ESRRG: variants seen among roughly 807,000 people sequenced by gnomAD.
ESRRG encodes estrogen related receptor gamma.
ESRRG carries 13 observed loss-of-function variants against 44.0 expected under a neutral mutation model. That is an observed-to-expected ratio of 0.30 (90% CI 0.19 to 0.47). The LOEUF is 0.47. Ranked by LOEUF, ESRRG falls within the 20% of genes least tolerant of loss-of-function variation. ESRRG has a pLI of 1.00. For synonymous variants in ESRRG, 215 were observed against 214.6 expected (o/e 1.00, Z -0.02); for missense variants, 395 against 580.6 (o/e 0.68, Z 3.29).
chr1:216,629,784 T>C (rs2063803177), intron 3 of ESRRG, among the ~76,000 whole-genome samples: 1 of 152,212 alleles, frequency 6.6e-6, no homozygotes, highest in Non-Finnish European at 1.5e-5. Flanking sequence ...GATTTTGTTT[T>C]GGTGTCCTTG....
At chr1:216,745,431 T>A (rs1054273739) in intron 2 of ESRRG, among the ~76,000 whole-genome samples, 2 of 152,178 alleles carry the variant, frequency 1.3e-5, no homozygotes, top group African/African-American at 2.4e-5. Context: ...CCTCAAGCGA[T>A]CTTCCTGCCT....
chr1:216,553,477 T>C (rs2056873864), intron 5 of ESRRG, among the ~76,000 whole-genome samples: 3 of 152,196 alleles, frequency 2.0e-5, no homozygotes, highest in South Asian at 4.1e-4. Flanking sequence ...TTTCCCCTTC[T>C]GGACTTTCTA....
chr1:217,059,600 C>T (rs1027828866), intron 1 of ESRRG, among the ~76,000 whole-genome samples: 5 of 152,058 alleles, frequency 3.3e-5, no homozygotes, highest in African/African-American at 1.2e-4. Flanking sequence ...CTTGCTGTTG[C>T]CCCTGCTGGC....
intron 1 of ESRRG, among the ~76,000 whole-genome samples, chr1:216,956,015 T>G (rs1378870742): frequency 6.6e-6 from 1 of 152,168 alleles, no homozygotes; most frequent in Non-Finnish European, 1.5e-5. Context: ...TCTTTTGACT[T>G]CATAAATTGT....
intron 2 of ESRRG, among the ~76,000 whole-genome samples, chr1:216,925,242 G>C (rs2062379155): frequency 6.6e-6 from 1 of 151,976 alleles, no homozygotes; most frequent in African/African-American, 2.4e-5. Flanking sequence ...TTCAAGACCA[G>C]CCTGGCCAAC....
At chr1:216,710,094 G>A (rs892959312) in intron 1 of ESRRG, among the ~76,000 whole-genome samples, 6 of 152,146 alleles carry the variant, frequency 3.9e-5, no homozygotes, top group Admixed American at 2.6e-4. Context: ...ATTGAACACT[G>A]TTTAGTAAAC....
chr1:217,102,045 A>AT (rs2092522433), intron 1 of ESRRG, among the ~76,000 whole-genome samples: 1 of 152,164 alleles, frequency 6.6e-6, no homozygotes, highest in African/African-American at 2.4e-5. Flanking sequence ...ACCTCAGGTG[A>AT]TCCCCCCGCT....
At chr1:217,092,378 A>T (rs2151552145), upstream of ESRRG, among the ~76,000 whole-genome samples, 1 of 152,338 alleles carries the variant, frequency 6.6e-6, no homozygotes, top group South Asian at 2.1e-4. Context: ...GACCTTGTAA[A>T]TCTAATTAAA....
At chr1:216,666,017 A>G (rs1169105356) in intron 2 of ESRRG, among the ~76,000 whole-genome samples, 1 of 152,208 alleles carries the variant, frequency 6.6e-6, no homozygotes, top group Non-Finnish European at 1.5e-5. Context: ...TACCAAAAAA[A>G]GAAAATAAAA....
intron 1 of ESRRG, among the ~76,000 whole-genome samples, chr1:217,067,545 G>C (rs2089940495): frequency 6.6e-6 from 1 of 152,150 alleles, no homozygotes; most frequent in Non-Finnish European, 1.5e-5. Flanking sequence ...TGTTCAGTCT[G>C]CCAGTAACAT....
chr1:216,907,414 G>A (rs2059807541), intron 2 of ESRRG, among the ~76,000 whole-genome samples: 2 of 152,176 alleles, frequency 1.3e-5, no homozygotes, highest in African/African-American at 4.8e-5. Context: ...GCATTAGGAG[G>A]GAGATGCCGC....
intron 2 of ESRRG, among the ~76,000 whole-genome samples, chr1:216,827,415 C>G (rs562355360): frequency 1.3e-5 from 2 of 152,150 alleles, no homozygotes; most frequent in Non-Finnish European, 2.9e-5. Flanking sequence ...CTGACAATAA[C>G]TGCAGGGAAT....
At chr1:216,776,552 T>C (rs972999209) in intron 2 of ESRRG, among the ~76,000 whole-genome samples, 2 of 152,040 alleles carry the variant, frequency 1.3e-5, no homozygotes, top group South Asian at 2.1e-4. Flanking sequence ...CATAGCATAG[T>C]TCCTAGTACA....
chr1:216,666,037 A>G (rs1282872096), intron 2 of ESRRG, among the ~76,000 whole-genome samples: 1 of 152,186 alleles, frequency 6.6e-6, no homozygotes, highest in Non-Finnish European at 1.5e-5. Context: ...ATCCTGACCC[A>G]TGACTTTTAC....
intron 6 of ESRRG, among the ~76,000 whole-genome samples, chr1:216,511,562 C>CACACACACACACACACACACACAG (rs2042728424): frequency 6.6e-6 from 1 of 151,986 alleles, no homozygotes; most frequent in Non-Finnish European, 1.5e-5. Flanking sequence ...CACACACACA[C>CACACACACACACACACACACACAG]ACAGACAAAT....
At chr1:216,528,001 G>C (rs1285217735) in intron 5 of ESRRG, among the ~76,000 whole-genome samples, 1 of 152,066 alleles carries the variant, frequency 6.6e-6, no homozygotes, top group Non-Finnish European at 1.5e-5. Context: ...TCCTCAAACA[G>C]TGCCTGTCAC....
At chr1:217,035,445 CA>C (rs1320079113) in intron 1 of ESRRG, among the ~76,000 whole-genome samples, 5 of 151,356 alleles carry the variant, frequency 3.3e-5, no homozygotes, top group African/African-American at 9.7e-5. Flanking sequence ...GGAATGAGAC[CA>C]AGGTTACTCA....
chr1:216,804,827 C>T (rs898245293), intron 2 of ESRRG: 1 of 152,084 alleles, frequency 6.6e-6, no homozygotes, highest in Non-Finnish European at 1.5e-5. Flanking sequence ...AAATCTTTCT[C>T]CTTTAAATGT....
chr1:217,086,631 T>C (rs560929284), intron 1 of ESRRG, among the ~76,000 whole-genome samples: 4 of 152,330 alleles, frequency 2.6e-5, no homozygotes, highest in Admixed American at 6.5e-5. Flanking sequence ...AATTTTATCT[T>C]GTGGTTGACC....
Sources: allele counts gnomAD v4.1 joint callset (sites outside exome capture counted in the v4.1 genomes callset), GRCh38; gene constraint gnomAD v4.1.1; transcripts MANE v1.5; gene names NCBI Gene and HGNC (gene_info 2026-07-23, HGNC 2026-07-21).